Variants in SEMA3A observed in about 807,000 individuals in gnomAD.
SEMA3A encodes semaphorin 3A, also known as semaphorin-3A.
SEMA3A carries 29 observed loss-of-function variants against 97.9 expected under a neutral mutation model. That is an observed-to-expected ratio of 0.30 (90% CI 0.22 to 0.40). The LOEUF is 0.40. Ranked by LOEUF, SEMA3A falls within the 10% of genes least tolerant of loss-of-function variation. The probability of loss-of-function intolerance (pLI) is 1.00; values close to 1 mark genes in which losing one functional copy is unlikely to be tolerated. For synonymous variants in SEMA3A, 321 were observed against 323.7 expected (o/e 0.99, Z 0.09); for missense variants, 763 against 951.3 (o/e 0.80, Z 2.60).
chr7:84,389,194 G>A (rs938493153), intron 1 of SEMA3A, among the ~76,000 whole-genome samples: 1 of 151,956 alleles, frequency 6.6e-6, no homozygotes, highest in Non-Finnish European at 1.5e-5. Flanking sequence ...TTCTGGATTA[G>A]ATAAAAATGG....
chr7:84,104,094 T>C (rs1296330014), intron 4 of SEMA3A, among the ~76,000 whole-genome samples: 1 of 152,070 alleles, frequency 6.6e-6, no homozygotes, highest in East Asian at 1.9e-4. Context: ...TAGGAAAACA[T>C]GTTTATGGTT....
chr7:84,407,694 A>C (rs1804136826), intron 1 of SEMA3A, among the ~76,000 whole-genome samples: 1 of 152,136 alleles, frequency 6.6e-6, no homozygotes, highest in Non-Finnish European at 1.5e-5. Context: ...ACCAAAACAG[A>C]GATGTAGACC....
chr7:84,383,511 T>C (rs550919516), intron 1 of SEMA3A, among the ~76,000 whole-genome samples: 1 of 152,194 alleles, frequency 6.6e-6, no homozygotes, highest in Admixed American at 6.5e-5. Flanking sequence ...ATTACAGCTA[T>C]AGCAAATTTA....
rs1253339936 is a variant in SEMA3A, at chr7:84,008,054, C to T, written c.996-557G>A. On this transcript the variant is annotated intron_variant, in intron 9 of 16. Transcript: ENST00000265362. ...CACTTAAAATCAGCTCTTTCTAACA[C>T]AGAAAATAATTACGTTAGTAGCTAT... Among the ~76,000 whole-genome samples the T allele has an allele frequency of 4.6e-5, 7 of 152,090 alleles. No individual in the cohort carries two copies. In the South Asian group the frequency reaches 1.2e-3, roughly 27 times the overall value.
At chr7:84,107,606 C>T (rs894673262) in intron 4 of SEMA3A, among the ~76,000 whole-genome samples, 1 of 152,100 alleles carries the variant, frequency 6.6e-6, no homozygotes, top group Admixed American at 6.6e-5. Flanking sequence ...GGGCGGGAAG[C>T]TTTATATATT....
intron 1 of SEMA3A, among the ~76,000 whole-genome samples, chr7:84,386,995 G>A (rs897420571): frequency 1.5e-5 from 2 of 135,362 alleles, no homozygotes; most frequent in South Asian, 2.3e-4. Flanking sequence ...GCAATGCTCC[G>A]TCTCAAAAAA....
At chr7:84,170,479 T>C (rs933701576) in intron 1 of SEMA3A, among the ~76,000 whole-genome samples, 1 of 151,986 alleles carries the variant, frequency 6.6e-6, no homozygotes, top group African/African-American at 2.4e-5. Flanking sequence ...GAAAATCCTA[T>C]TGCAAATTTT....
chr7:84,091,276 AAAAG>A (rs751003226), intron 4 of SEMA3A, among the ~76,000 whole-genome samples: 1,454 of 135,172 alleles, frequency 0.011, 27 homozygotes, highest in African/African-American at 0.034. Context: ...AAAAAGAAAG[AAAAG>A]AAAGAAAGAA....
intron 3 of SEMA3A, among the ~76,000 whole-genome samples, chr7:84,203,466 T>G (rs1264032384): frequency 6.9e-6 from 1 of 145,220 alleles, no homozygotes; most frequent in Non-Finnish European, 1.5e-5. Context: ...TCTCCTAGTT[T>G]TAACAGTTTT....
intron 4 of SEMA3A, among the ~76,000 whole-genome samples, chr7:84,106,856 T>C: frequency 6.6e-6 from 1 of 152,186 alleles, no homozygotes; most frequent in African/African-American, 2.4e-5. Context: ...AACTGCATGT[T>C]TAAATGTCCA....
intron 10 of SEMA3A, 94 bp downstream of exon 10, chr7:84,007,259 C>A (rs1790703031): frequency 2.0e-6 from 2 of 985,008 alleles, no homozygotes; most frequent in Admixed American, 5.9e-5. Context: ...TTCTACATTA[C>A]AGGATACATT....
chr7:84,462,655 TTC>T (rs1805875976), intron 1 of SEMA3A, among the ~76,000 whole-genome samples: 1 of 152,178 alleles, frequency 6.6e-6, no homozygotes, highest in Admixed American at 6.5e-5. Context: ...TAAAGGCCTG[TTC>T]TAAAGAAGAA....
At position 84,252,782 on chromosome 7, in the gene SEMA3A, T is replaced by C. The variant is rs547134280; in HGVS notation, c.-83+54425A>G. The stretch of plus-strand genomic sequence containing the variant: ...ATAAAATTATCAATTTATTTTAAAA[T>C]GCGAAGTGTAATTTTTAATAAAGTT... On this transcript the variant is annotated intron_variant, in intron 3 of 3. Transcript: ENST00000424555. Among the ~76,000 whole-genome samples, 7 of 152,354 alleles carry C rather than the reference T, an allele frequency of 4.6e-5. No individual in the cohort carries two copies. In the South Asian group the frequency reaches 1.2e-3, roughly 27 times the overall value.
chr7:83,974,686 A>C (rs1789067020), intron 15 of SEMA3A, among the ~76,000 whole-genome samples: 1 of 152,180 alleles, frequency 6.6e-6, no homozygotes, highest in Admixed American at 6.6e-5. Context: ...GGTAAGACTT[A>C]GCATGGCCAA....
At chr7:84,090,679 CATA>C (rs1583948683) in intron 4 of SEMA3A, among the ~76,000 whole-genome samples, 1 of 152,078 alleles carries the variant, frequency 6.6e-6, no homozygotes, top group Non-Finnish European at 1.5e-5. Context: ...ATTTTAAAGT[CATA>C]ATGATGTTGA....
At chr7:84,422,105 TCGTACCTCTGGTAGAA>T (rs1804611824) in intron 1 of SEMA3A, among the ~76,000 whole-genome samples, 4 of 152,096 alleles carry the variant, frequency 2.6e-5, no homozygotes, top group Non-Finnish European at 5.9e-5. Context: ...CAGCTCCTCT[TCGTACCTCTGGTAGAA>T]TTCGGCTGTG....
chr7:84,418,820 A>G (rs1345478596), intron 1 of SEMA3A, among the ~76,000 whole-genome samples: 2 of 151,872 alleles, frequency 1.3e-5, no homozygotes, highest in Admixed American at 6.6e-5. Context: ...CTCTTTCCCA[A>G]TTTGAAGATG....
chr7:84,016,439 G>C (rs1471501580), intron 6 of SEMA3A, among the ~76,000 whole-genome samples: 1 of 151,816 alleles, frequency 6.6e-6, no homozygotes, highest in Non-Finnish European at 1.5e-5. Context: ...TTGGGAGGCT[G>C]AGGCAGGAGA....
In SEMA3A at chr7:84,096,433, C is replaced by A. The variant is rs1794775765; in HGVS notation, c.453+14037G>T. Among the ~76,000 whole-genome samples, 6 of 151,946 alleles carry A rather than the reference C, an allele frequency of 3.9e-5. No homozygotes were observed. The South Asian group carries it at 1.2e-3, about 32-fold the overall frequency. On this transcript the variant is annotated intron_variant, in intron 4 of 16. Coordinates refer to ENST00000265362, the MANE Select transcript of SEMA3A (RefSeq NM_006080.3). ...CATGTGTTTTTCTCAAAGTAAAATA[C>A]CATATATTGTTGAGCTTTGTGTTCA...
Sources: gnomAD v4.1 joint callset for allele counts (sites outside exome capture counted in the v4.1 genomes callset) on GRCh38, gnomAD v4.1.1 for gene constraint, MANE v1.5 for transcripts, NCBI Gene and HGNC (gene_info 2026-07-23, HGNC 2026-07-21) for gene names.